Variants in FAM167A observed in about 807,000 individuals in gnomAD.
FAM167A encodes the protein family with sequence similarity 167 member A.
FAM167A carries 23 observed loss-of-function variants against 14.9 expected under a neutral mutation model. The observed-to-expected ratio is 1.55, with a 90% CI of 1.11 to 2.19. The LOEUF (loss-of-function observed/expected upper bound fraction) is 2.19. Ranked by LOEUF, FAM167A falls within the 30% of genes most tolerant of loss-of-function variation. The pLI is 0.00. For missense variants in FAM167A, 401 were observed against 281.5 expected (o/e 1.42, Z -3.04); for synonymous variants, 174 against 117.7 (o/e 1.48, Z -3.10).
chr8:11,449,116 C>A (rs1365431001), intron 1 of FAM167A, among the ~76,000 whole-genome samples: 1 of 152,246 alleles, frequency 6.6e-6, no homozygotes, highest in African/African-American at 2.4e-5. Flanking sequence ...TTGCCCCCAG[C>A]ACAGTCAGAC....
chr8:11,428,238 G>A (rs1276971633), intron 2 of FAM167A, among the ~76,000 whole-genome samples: 1 of 152,214 alleles, frequency 6.6e-6, no homozygotes, highest in African/African-American at 2.4e-5. Context: ...GGCTGTGGCG[G>A]ACACATCTCT....
At chr8:11,447,275 G>A (rs1195992452) in intron 1 of FAM167A, among the ~76,000 whole-genome samples, 2 of 150,878 alleles carry the variant, frequency 1.3e-5, no homozygotes, top group South Asian at 2.1e-4. Context: ...TCCACCTCTT[G>A]GGTTCAAGCG....
intron 2 of FAM167A, chr8:11,434,160 G>C (rs953502818): frequency 6.6e-5 from 10 of 152,272 alleles, no homozygotes; most frequent in African/African-American, 2.2e-4. Context: ...TTGATTTCCA[G>C]AGGAAGGCTG....
chr8:11,442,630 A>C (rs2117077562), intron 2 of FAM167A, among the ~76,000 whole-genome samples: 1 of 152,274 alleles, frequency 6.6e-6, no homozygotes, highest in East Asian at 1.9e-4. Context: ...AGCCATTCAA[A>C]GAGCAGCTGG....
intron 1 of FAM167A, among the ~76,000 whole-genome samples, chr8:11,448,108 C>T (rs1585264444): frequency 6.6e-6 from 1 of 151,646 alleles, no homozygotes. Context: ...GCAGGAGAAT[C>T]GCTTGAAACC....
intron 1 of FAM167A, among the ~76,000 whole-genome samples, chr8:11,457,746 C>G (rs1476684337): frequency 2.0e-5 from 3 of 152,214 alleles, no homozygotes; most frequent in African/African-American, 4.8e-5. Context: ...AGGCCCTGCA[C>G]TGCCTGAAAG....
intron 1 of FAM167A, among the ~76,000 whole-genome samples, chr8:11,451,712 G>C (rs1458940412): frequency 1.3e-5 from 2 of 152,198 alleles, no homozygotes; most frequent in Non-Finnish European, 2.9e-5. Context: ...TTGGGTGCGT[G>C]TGAGTCTCAG....
chr8:11,422,373 GGT>G lies in FAM167A; in HGVS notation c.*1998_*1999del, dbSNP rs57215593. On this transcript the variant is annotated 3_prime_UTR_variant, in exon 3 of 3. Coordinates refer to ENST00000284486, the MANE Select transcript of FAM167A (RefSeq NM_053279.3). ...TCTCTGTCGTGTGTGTGTGTGTGGGGGTGTGTGTGTGTGTGTGTGTGTGTGTG... is the reference window on the plus strand; with the variant it reads ...TCTCTGTCGTGTGTGTGTGTGTGGGGGTGTGTGTGTGTGTGTGTGTGTGTG... The G allele has an allele frequency of 0.088, 10,587 of 119,898 alleles. 387 individuals carry two copies. The highest frequency in any genetic ancestry group is 0.13 in the Middle Eastern group (31 of 244). 7.4% of individuals were successfully genotyped at this position (119,898 alleles called of 1,614,324 possible).
chr8:11,455,912 AG>A (rs1807250963), intron 1 of FAM167A, among the ~76,000 whole-genome samples: 1 of 38,838 alleles, frequency 2.6e-5, no homozygotes, highest in African/African-American at 1.1e-4. Flanking sequence ...TGTGAGTGTG[AG>A]GGGTGGTTGC....
At chr8:11,454,874 C>T (rs572643841) in intron 1 of FAM167A, among the ~76,000 whole-genome samples, 1 of 152,172 alleles carries the variant, frequency 6.6e-6, no homozygotes, top group African/African-American at 2.4e-5. Context: ...AGGGACACAG[C>T]CCTGGGCCCC....
chr8:11,435,628 C>G (rs1207393980), intron 2 of FAM167A, among the ~76,000 whole-genome samples: 1 of 152,176 alleles, frequency 6.6e-6, no homozygotes, highest in African/African-American at 2.4e-5. Flanking sequence ...TCCCACTGCC[C>G]CCAGGCCTGT....
chr8:11,439,427 G>A (rs1448556575), intron 2 of FAM167A, among the ~76,000 whole-genome samples: 2 of 152,266 alleles, frequency 1.3e-5, no homozygotes, highest in Non-Finnish European at 2.9e-5. Context: ...TACCAAGCAG[G>A]CAGCACAGGC....
upstream of FAM167A, among the ~76,000 whole-genome samples, chr8:11,471,513 C>T (rs552639535): frequency 5.9e-5 from 9 of 152,222 alleles, no homozygotes; most frequent in South Asian, 1.2e-3. Flanking sequence ...CAGGGGACCA[C>T]GAGTCAGGCA....
intron 2 of FAM167A, among the ~76,000 whole-genome samples, chr8:11,439,938 T>C (rs1806328458): frequency 6.6e-6 from 1 of 152,072 alleles, no homozygotes; most frequent in Non-Finnish European, 1.5e-5. Flanking sequence ...GAGGCGTGTG[T>C]GAATGCTCTG....
chr8:11,444,549 C>A lies in FAM167A; in HGVS notation c.-138G>T, dbSNP rs1806663246. On this transcript the variant is annotated 5_prime_UTR_variant, in exon 2 of 3. The change creates a new upstream start codon in the 5' untranslated region. Coordinates refer to ENST00000284486, the MANE Select transcript of FAM167A (RefSeq NM_053279.3). ...GGGCATTTCCGGGACAGGAGCCGGC[C>A]TCAGAGGCTGGGTGGCAGGGGAGCT... is the stretch of plus-strand genomic sequence containing the variant. The A allele has an allele frequency of 1.5e-5, 22 of 1,469,856 alleles. No homozygotes were observed. The highest frequency in any genetic ancestry group is 1.9e-5 in the Non-Finnish European group (21 of 1,118,228). 91.1% of individuals were successfully genotyped at this position (1,469,856 alleles called of 1,614,324 possible).
intron 1 of FAM167A, among the ~76,000 whole-genome samples, chr8:11,463,233 C>T (rs1239861814): frequency 1.3e-5 from 2 of 152,234 alleles, no homozygotes; most frequent in African/African-American, 2.4e-5. Context: ...AGCAGCCACA[C>T]AACCAAATTT....
At chr8:11,430,278 G>A (rs913236964) in intron 2 of FAM167A, among the ~76,000 whole-genome samples, 1 of 152,238 alleles carries the variant, frequency 6.6e-6, no homozygotes, top group Non-Finnish European at 1.5e-5. Flanking sequence ...GTCGGGGGCT[G>A]TCCAAGCACT....
rs1806658999 is a variant in FAM167A, at chr8:11,444,492, C to T, written c.-81G>A. The T allele has an allele frequency of 4.7e-6, 7 of 1,494,376 alleles. No homozygotes were observed. Among genetic ancestry groups the T allele is most frequent in the Non-Finnish European group, 6.2e-6 (7 of 1,127,946 alleles). The allele number at this position is 1,494,376 out of a possible 1,614,324, so 92.6% of individuals were successfully genotyped here. On this transcript the variant is annotated 5_prime_UTR_variant, in exon 2 of 3. Transcript: ENST00000284486. ...GCTTGGTGGGTGGCACAGTTGGGTCCCGCTCTGGGATGGCCTCATCCAGGT... is the reference window on the plus strand; with the variant it reads ...GCTTGGTGGGTGGCACAGTTGGGTCTCGCTCTGGGATGGCCTCATCCAGGT...
intron 2 of FAM167A, among the ~76,000 whole-genome samples, chr8:11,428,843 A>T (rs1447178491): frequency 6.6e-6 from 1 of 152,138 alleles, no homozygotes; most frequent in Non-Finnish European, 1.5e-5. Context: ...CCCGATTAGG[A>T]GGTCACTCTG....
Sources: allele counts gnomAD v4.1 joint callset (sites outside exome capture counted in the v4.1 genomes callset), GRCh38; gene constraint gnomAD v4.1.1; transcripts MANE v1.5; gene names NCBI Gene and HGNC (gene_info 2026-07-23, HGNC 2026-07-21).